LRPPRC: variants seen among roughly 807,000 people sequenced by gnomAD.
LRPPRC encodes leucine-rich PPR motif-containing protein, mitochondrial.
A neutral mutation model predicts 180.3 loss-of-function variants in LRPPRC; 120 were observed. The ratio of observed to expected loss-of-function variants is 0.67; its 90% confidence interval spans 0.57 to 0.77. The LOEUF (loss-of-function observed/expected upper bound fraction) is 0.77, where lower values mean the gene tolerates loss of function less well. Among genes scored for constraint, LRPPRC ranks in the 30% least tolerant of loss-of-function variants. The probability of loss-of-function intolerance (pLI) is 0.00; values close to 1 mark genes in which losing one functional copy is unlikely to be tolerated. For missense variants in LRPPRC, 2,012 were observed against 1,657.2 expected, an observed-to-expected ratio of 1.21 and a Z score of -3.72; for synonymous variants, 723 against 600.0, an observed-to-expected ratio of 1.21 and a Z score of -3.00.
intron 23 of LRPPRC, among the ~76,000 whole-genome samples, chr2:43,941,044 T>C (rs1672463315): frequency 2.0e-5 from 3 of 152,186 alleles, no homozygotes. Flanking sequence ...ATTTTGATAA[T>C]ACAAAAGCAG....
intron 25 of LRPPRC, among the ~76,000 whole-genome samples, chr2:43,927,530 C>A (rs1038142331): frequency 6.6e-6 from 1 of 152,112 alleles, no homozygotes; most frequent in African/African-American, 2.4e-5. Context: ...ATTTTTCTTA[C>A]GTTATTTGTT....
intron 30 of LRPPRC, among the ~76,000 whole-genome samples, chr2:43,910,807 A>G (rs1002533416): frequency 2.8e-4 from 42 of 152,122 alleles, no homozygotes; most frequent in Non-Finnish European, 5.0e-4. Context: ...AAGAAACCCA[A>G]TGAAAATGAA....
At chr2:43,992,678 G>A (rs979938352) in intron 1 of LRPPRC, among the ~76,000 whole-genome samples, 1 of 152,154 alleles carries the variant, frequency 6.6e-6, no homozygotes, top group African/African-American at 2.4e-5. Flanking sequence ...ATCAATAAAT[G>A]GGGGGTGAAG....
chr2:43,980,956 G>A (rs1374283050), intron 2 of LRPPRC, among the ~76,000 whole-genome samples: 2 of 152,136 alleles, frequency 1.3e-5, no homozygotes, highest in East Asian at 1.9e-4. Flanking sequence ...GTCTTTAAAT[G>A]TACATAACTA....
In LRPPRC at chr2:43,886,226, T is replaced by C. The variant is rs1670267721; in HGVS notation, c.*2374A>G. ...AAAAAAAGCAGCAGCAGCCCACAGA[T>C]ATTTACAGTATACTTTATTCAAAGC... On this transcript the variant is annotated 3_prime_UTR_variant, in exon 38 of 38. Coordinates refer to ENST00000260665, the MANE Select transcript of LRPPRC (RefSeq NM_133259.4). 6.6e-6 allele frequency among the ~76,000 whole-genome samples: 1 copy of C among 151,890 alleles called. No individual in the cohort carries two copies. Among genetic ancestry groups the C allele is most frequent in the African/African-American group, 2.4e-5 (1 of 41,380 alleles).
chr2:43,898,525 T>C (rs1670770086), intron 34 of LRPPRC, among the ~76,000 whole-genome samples: 1 of 152,204 alleles, frequency 6.6e-6, no homozygotes, highest in South Asian at 2.1e-4. Context: ...TTTGTGTACA[T>C]TGCCAGTGGC....
intron 23 of LRPPRC, among the ~76,000 whole-genome samples, chr2:43,940,947 G>A (rs1427055887): frequency 3.9e-5 from 6 of 152,052 alleles, no homozygotes; most frequent in East Asian, 3.8e-4. Context: ...TGTAAAATAC[G>A]TGGCTTAGAG....
At chr2:43,889,260 AGCCGAGACCGT>A (rs1322807924) in intron 37 of LRPPRC, among the ~76,000 whole-genome samples, 1 of 129,668 alleles carries the variant, frequency 7.7e-6, no homozygotes, top group African/African-American at 2.8e-5. Context: ...GGTTGCAGTG[AGCCGAGACCGT>A]GCCATTGCAC....
At chr2:43,891,851 G>C (rs760469272) in intron 36 of LRPPRC, among the ~76,000 whole-genome samples, 20 of 152,242 alleles carry the variant, frequency 1.3e-4, no homozygotes, top group Non-Finnish European at 7.3e-5. Flanking sequence ...TTCTTGCGTG[G>C]AACAGCCAGT....
Position 43,957,399 on chromosome 2 carries a change from C to G in LRPPRC, c.1635G>C (p.Leu545=). Residue 545 remains leucine (L), a synonymous_variant, in exon 14 of 38, where the codon CTG becomes CTC. Coordinates refer to ENST00000260665, the MANE Select transcript of LRPPRC (RefSeq NM_133259.4). ...ISLQSIRSSL[L]LGFRRSMNIN... ...GATCATCTTACCTCCTGAAGCCTAG[C>G]AGTAGGCTACTTCTTATAGACTGCA... 6.2e-7 allele frequency: 1 copy of G among 1,611,480 alleles called. No homozygotes were observed. Among genetic ancestry groups the G allele is most frequent in the Non-Finnish European group, 8.5e-7 (1 of 1,177,620 alleles).
intron 26 of LRPPRC, among the ~76,000 whole-genome samples, chr2:43,925,581 C>A (rs902493150): frequency 6.6e-6 from 1 of 152,090 alleles, no homozygotes; most frequent in Admixed American, 6.5e-5. Flanking sequence ...AGCAGAAATT[C>A]CAGAGCTCTG....
At chr2:43,990,635 T>G (rs1332287677) in intron 1 of LRPPRC, among the ~76,000 whole-genome samples, 2 of 152,176 alleles carry the variant, frequency 1.3e-5, no homozygotes, top group East Asian at 3.8e-4. Context: ...CACTACCATG[T>G]GTCCTCTAAA....
At chr2:43,939,708 T>C (rs1409628272) in intron 23 of LRPPRC, among the ~76,000 whole-genome samples, 1 of 152,224 alleles carries the variant, frequency 6.6e-6, no homozygotes, top group East Asian at 1.9e-4. Context: ...GAGACTGGTG[T>C]TGCAATTACA....
intron 32 of LRPPRC, among the ~76,000 whole-genome samples, chr2:43,900,203 T>C (rs1670835661): frequency 6.6e-6 from 1 of 152,144 alleles, no homozygotes; most frequent in African/African-American, 2.4e-5. Flanking sequence ...AAAAGTATCT[T>C]CACACTTTAC....
At chr2:43,989,074 T>C (rs767689379) in intron 1 of LRPPRC, among the ~76,000 whole-genome samples, 1 of 152,160 alleles carries the variant, frequency 6.6e-6, no homozygotes, top group Non-Finnish European at 1.5e-5. Flanking sequence ...AGTCTCACTA[T>C]GTTGCCCAGG....
In LRPPRC at chr2:43,994,079, A is replaced by G. The variant is rs537252688; in HGVS notation, c.149+1720T>C. Among the ~76,000 whole-genome samples, 4 of 152,262 alleles carry G rather than the reference A, an allele frequency of 2.6e-5. No individual in the cohort carries two copies. The East Asian group carries it at 5.8e-4, about 22-fold the overall frequency. On this transcript the variant is annotated intron_variant, in intron 1 of 37. Transcript: ENST00000260665. Reference sequence around the variant, plus strand: ...TCAAATGCAACAGTGAAGATAAAAGAAAATGTGGACCTTCCCCTGGCCTCA... The same window carrying G: ...TCAAATGCAACAGTGAAGATAAAAGGAAATGTGGACCTTCCCCTGGCCTCA...
chr2:43,986,901 C>A (rs1016875421), intron 1 of LRPPRC, among the ~76,000 whole-genome samples: 1 of 152,186 alleles, frequency 6.6e-6, no homozygotes, highest in Non-Finnish European at 1.5e-5. Flanking sequence ...TTGTAAAGTA[C>A]AAAACTAGTT....
intron 11 of LRPPRC, among the ~76,000 whole-genome samples, chr2:43,965,605 C>G (rs968573475): frequency 1.3e-5 from 2 of 151,932 alleles, no homozygotes; most frequent in Non-Finnish European, 2.9e-5. Context: ...ATTTGCAAAC[C>G]ACGTATCTGA....
At position 43,888,412 on chromosome 2, in the gene LRPPRC, GAAAA is replaced by G; in HGVS notation, c.*184_*187del. 2 of 527,238 alleles carry G rather than the reference GAAAA, an allele frequency of 3.8e-6. No homozygotes were observed. The highest frequency in any genetic ancestry group is 6.8e-6 in the Non-Finnish European group (2 of 292,674). The allele number at this position is 527,238 out of a possible 1,614,324, so 32.7% of individuals were successfully genotyped here. Reference sequence around the variant, plus strand: ...GAAAACACTATCGATTTTTCCCAGAGAAAAAAACTCCAAAAATGTCCAATAACCA... The same window carrying G: ...GAAAACACTATCGATTTTTCCCAGAGAAACTCCAAAAATGTCCAATAACCA... On this transcript the variant is annotated 3_prime_UTR_variant, in exon 38 of 38. Coordinates refer to ENST00000260665, the MANE Select transcript of LRPPRC (RefSeq NM_133259.4).
Sources: allele counts gnomAD v4.1 joint callset (sites outside exome capture counted in the v4.1 genomes callset), GRCh38; gene constraint gnomAD v4.1.1; transcripts MANE v1.5; gene names NCBI Gene and HGNC (gene_info 2026-07-23, HGNC 2026-07-21).